The following NINL variants were observed in gnomAD, a reference collection of about 807,000 sequenced individuals.
NINL encodes ninein like.
A neutral mutation model predicts 160.3 loss-of-function variants in NINL; 153 were observed. The ratio of observed to expected loss-of-function variants is 0.95; its 90% CI spans 0.84 to 1.09. The LOEUF (loss-of-function observed/expected upper bound fraction) is 1.09. Among genes scored for constraint, NINL ranks in the 50% least tolerant of loss-of-function variants. The pLI is 0.00. For missense variants in NINL, 1,829 were observed against 1,764.0 expected (o/e 1.04, Z -0.66); for synonymous variants, 800 against 734.8 (o/e 1.09, Z -1.43).
At chr20:25,455,562 G>A in intron 23 of NINL, 111 bp downstream of exon 23, 1 of 755,288 alleles carries the variant, frequency 1.3e-6, no homozygotes, top group South Asian at 1.6e-5. Flanking sequence ...TAGTTCCCTG[G>A]AATTCTGTGA....
intron 1 of NINL, among the ~76,000 whole-genome samples, chr20:25,543,075 A>C (rs1474822995): frequency 6.6e-6 from 1 of 151,838 alleles, no homozygotes; most frequent in Non-Finnish European, 1.5e-5. Flanking sequence ...AAAAAGAAAT[A>C]TGGCTTATGG....
intron 1 of NINL, among the ~76,000 whole-genome samples, chr20:25,579,664 C>CTG (rs1174988208): frequency 6.6e-6 from 1 of 152,180 alleles, no homozygotes; most frequent in East Asian, 1.9e-4. Flanking sequence ...GGGGCACCAG[C>CTG]TGTCACTCCT....
At chr20:25,519,835 G>A (rs2064229888) in intron 2 of NINL, among the ~76,000 whole-genome samples, 1 of 151,434 alleles carries the variant, frequency 6.6e-6, no homozygotes, top group East Asian at 1.9e-4. Context: ...TGGGCAACAT[G>A]GTGAAAAAAA....
chr20:25,574,786 T>G (rs1210283731), intron 1 of NINL, among the ~76,000 whole-genome samples: 2 of 152,120 alleles, frequency 1.3e-5, no homozygotes, highest in African/African-American at 4.8e-5. Context: ...AATCCTTGAG[T>G]GTAGATGTGG....
At chr20:25,504,242 C>T in intron 6 of NINL, 138 bp from the exon 7 acceptor site, 3 of 841,330 alleles carry the variant, frequency 3.6e-6, no homozygotes, top group Non-Finnish European at 5.4e-6. Flanking sequence ...AGCCTTAAAA[C>T]TGTGTAGACC....
At chr20:25,500,015 A>G (rs987767884) in intron 8 of NINL, among the ~76,000 whole-genome samples, 27 of 151,518 alleles carry the variant, frequency 1.8e-4, no homozygotes, top group African/African-American at 6.6e-4. Flanking sequence ...GCCAGGGAAA[A>G]GCTCTGCAGT....
chr20:25,523,226 A>C (rs1293311768), intron 2 of NINL, among the ~76,000 whole-genome samples: 1 of 149,962 alleles, frequency 6.7e-6, no homozygotes, highest in Non-Finnish European at 1.5e-5. Context: ...GAATATATAT[A>C]TATGAGAGAA....
chr20:25,484,627 A>G (rs1315492685), intron 13 of NINL, among the ~76,000 whole-genome samples: 1 of 152,250 alleles, frequency 6.6e-6, no homozygotes, highest in Non-Finnish European at 1.5e-5. Context: ...TCATGAGTCC[A>G]TACCAGTGAT....
chr20:25,526,062 G>A (rs1568942524), intron 2 of NINL, among the ~76,000 whole-genome samples: 1 of 152,204 alleles, frequency 6.6e-6, no homozygotes, highest in Non-Finnish European at 1.5e-5. Flanking sequence ...CTGATTACCA[G>A]TGTGAGCTGC....
intron 8 of NINL, 57 bp from the exon 9 acceptor site, chr20:25,498,403 C>A (rs894835907): frequency 5.0e-6 from 8 of 1,594,936 alleles, no homozygotes; most frequent in Non-Finnish European, 6.0e-6. Context: ...CAAGCAGACA[C>A]CTCTTTGCTC....
intron 1 of NINL, among the ~76,000 whole-genome samples, chr20:25,552,381 G>A (rs1310483549): frequency 6.6e-6 from 1 of 151,962 alleles, no homozygotes; most frequent in Non-Finnish European, 1.5e-5. Flanking sequence ...CAAAAAGAAC[G>A]CTGACAAACT....
chr20:25,550,170 CAGG>C (rs767548073), intron 1 of NINL, among the ~76,000 whole-genome samples: 13 of 152,306 alleles, frequency 8.5e-5, no homozygotes, highest in Non-Finnish European at 1.8e-4. Flanking sequence ...CACCTGAGGC[CAGG>C]AGTTCGGGAA....
chr20:25,454,544 C>T (rs1239409506), intron 23 of NINL, among the ~76,000 whole-genome samples: 10 of 152,166 alleles, frequency 6.6e-5, no homozygotes, highest in Admixed American at 5.9e-4. Flanking sequence ...GGACTGGGAA[C>T]CTTCCACAAA....
At chr20:25,475,651 C>T (rs1173823444) in intron 17 of NINL, among the ~76,000 whole-genome samples, 1 of 152,178 alleles carries the variant, frequency 6.6e-6, no homozygotes, top group East Asian at 1.9e-4. Flanking sequence ...GCGGGCAGAT[C>T]ACCTTTGAGG....
chr20:25,539,919 C>T (rs1023918870), intron 1 of NINL: 31 of 563,156 alleles, frequency 5.5e-5, no homozygotes, highest in Non-Finnish European at 8.1e-5. Context: ...TCCAGCACTG[C>T]CACTGCACAC....
At chr20:25,563,122 C>T (rs564109958) in intron 1 of NINL, among the ~76,000 whole-genome samples, 42 of 152,282 alleles carry the variant, frequency 2.8e-4, no homozygotes, top group Non-Finnish European at 4.0e-4. Context: ...GCCAAGATGG[C>T]GCCACTGCAC....
In NINL at chr20:25,452,839, T is replaced by C. The variant is rs1157517393; in HGVS notation, c.*612A>G. 1 of 151,096 alleles carries C rather than the reference T, an allele frequency of 6.6e-6. No homozygotes were observed. The highest frequency in any genetic ancestry group is 1.5e-5 in the Non-Finnish European group (1 of 67,824). 9.4% of individuals were successfully genotyped at this position (151,096 alleles called of 1,614,324 possible). ...TTTTTTTTTTTTACATATAGTACAA[T>C]TTCCAGTGTGATGACATTTCAATGG... On this transcript the variant is annotated 3_prime_UTR_variant, in exon 24 of 24. Transcript: ENST00000278886.
chr20:25,536,163 A>G (rs1236239634), intron 1 of NINL, among the ~76,000 whole-genome samples: 2 of 152,098 alleles, frequency 1.3e-5, no homozygotes, highest in African/African-American at 2.4e-5. Flanking sequence ...TACCCAAGAG[A>G]CTATATAACC....
At position 25,498,326 on chromosome 20, in the gene NINL, G is replaced by T. The variant is rs41274450; in HGVS notation, c.1053C>A (p.Asp351Glu). ...TCAGCTCCAGAAGGTTCACCTTCTC[G>T]TCCACGCTGAAGTCCAGGCTCTGGA... Reference protein sequence around the residue: ...EILQSLDFSVDEKVNLLELTW... With the variant: ...EILQSLDFSVEEKVNLLELTW... The change falls in exon 9 of 24, where the codon GAC becomes GAA. Residue 351 changes from aspartate (D) to glutamate (E), a missense_variant. By Grantham distance (45) the Asp-to-Glu change is conservative. Coordinates refer to ENST00000278886, the MANE Select transcript of NINL (RefSeq NM_025176.6). 3 of 1,612,818 alleles carry T rather than the reference G, an allele frequency of 1.9e-6. No homozygotes were observed. Among genetic ancestry groups the T allele is most frequent in the Middle Eastern group, 3.7e-4 (2 of 5,342 alleles).
Sources: allele counts gnomAD v4.1 joint callset (sites outside exome capture counted in the v4.1 genomes callset), GRCh38; gene constraint gnomAD v4.1.1; transcripts MANE v1.5; gene names NCBI Gene and HGNC (gene_info 2026-07-23, HGNC 2026-07-21).